Variants in LRRTM4 observed in about 807,000 individuals in gnomAD.
LRRTM4 encodes leucine-rich repeat transmembrane neuronal protein 4.
LRRTM4 carries 25 observed loss-of-function variants against 47.6 expected under a neutral mutation model. The observed-to-expected ratio is 0.53, with a 90% confidence interval of 0.38 to 0.73. The LOEUF (loss-of-function observed/expected upper bound fraction) is 0.73. Ranked by LOEUF, LRRTM4 falls within the 30% of genes least tolerant of loss-of-function variation. The probability of loss-of-function intolerance (pLI) is 0.00; values close to 1 mark genes in which losing one functional copy is unlikely to be tolerated. For synonymous variants in LRRTM4, 311 were observed against 269.5 expected, an observed-to-expected ratio of 1.15 and a Z score of -1.51; for missense variants, 638 against 713.4, an observed-to-expected ratio of 0.89 and a Z score of 1.20.
At chr2:77,011,440 G>A (rs1677869556) in intron 3 of LRRTM4, among the ~76,000 whole-genome samples, 1 of 152,040 alleles carries the variant, frequency 6.6e-6, no homozygotes, top group South Asian at 2.1e-4. Context: ...GGAACTGGTA[G>A]AGAAAACCAT....
At chr2:77,505,011 T>C (rs1213189185) in intron 3 of LRRTM4, among the ~76,000 whole-genome samples, 1 of 151,380 alleles carries the variant, frequency 6.6e-6, no homozygotes, top group African/African-American at 2.4e-5. Context: ...ATTATTTTAA[T>C]GATTTTAGAG....
chr2:77,315,898 C>A (rs1677604701), intron 3 of LRRTM4, among the ~76,000 whole-genome samples: 1 of 152,190 alleles, frequency 6.6e-6, no homozygotes, highest in Admixed American at 6.5e-5. Flanking sequence ...CAAACTACCT[C>A]CTGCCATGAA....
chr2:77,070,852 A>G (rs1281706726), intron 3 of LRRTM4, among the ~76,000 whole-genome samples: 1 of 152,172 alleles, frequency 6.6e-6, no homozygotes, highest in East Asian at 1.9e-4. Context: ...GCTGGTCTCG[A>G]ACTCCTGACC....
At chr2:76,916,101 T>A (rs1418183622) in intron 3 of LRRTM4, among the ~76,000 whole-genome samples, 2 of 151,556 alleles carry the variant, frequency 1.3e-5, no homozygotes, top group African/African-American at 4.8e-5. Context: ...ACAGAACAGA[T>A]GCAGGAGATA....
chr2:76,854,089 T>C (rs1465368037), intron 3 of LRRTM4, among the ~76,000 whole-genome samples: 1 of 152,170 alleles, frequency 6.6e-6, no homozygotes, highest in Admixed American at 6.6e-5. Context: ...TATAATCCCC[T>C]TCTTTCCTGG....
At chr2:77,060,328 T>C (rs1298204126) in intron 3 of LRRTM4, among the ~76,000 whole-genome samples, 1 of 152,176 alleles carries the variant, frequency 6.6e-6, no homozygotes, top group Non-Finnish European at 1.5e-5. Flanking sequence ...AAACATGCAA[T>C]TATTTTGTAA....
intron 3 of LRRTM4, among the ~76,000 whole-genome samples, chr2:77,074,225 T>A (rs1482366176): frequency 6.6e-6 from 1 of 152,226 alleles, no homozygotes; most frequent in Non-Finnish European, 1.5e-5. Context: ...TGTTATAACA[T>A]AGATGGTCTA....
At chr2:77,123,566 A>G (rs1671574613) in intron 3 of LRRTM4, among the ~76,000 whole-genome samples, 1 of 152,112 alleles carries the variant, frequency 6.6e-6, no homozygotes, top group African/African-American at 2.4e-5. Flanking sequence ...CTTGGCCTTA[A>G]CTATCATTTT....
intron 3 of LRRTM4, among the ~76,000 whole-genome samples, chr2:76,807,413 T>TATATATACACAC (rs1670528074): frequency 5.3e-5 from 5 of 95,012 alleles, no homozygotes; most frequent in East Asian, 3.5e-4. Flanking sequence ...TATACGTATA[T>TATATATACACAC]ATATATATAT....
At chr2:77,338,287 C>T (rs1292358159) in intron 3 of LRRTM4, among the ~76,000 whole-genome samples, 2 of 151,966 alleles carry the variant, frequency 1.3e-5, no homozygotes, top group African/African-American at 2.4e-5. Flanking sequence ...ACAAAACTGT[C>T]AACAGAGTAA....
chr2:77,066,876 T>A (rs1679973435), intron 3 of LRRTM4, among the ~76,000 whole-genome samples: 1 of 152,246 alleles, frequency 6.6e-6, no homozygotes, highest in African/African-American at 2.4e-5. Context: ...TGTGCATGTA[T>A]GTCCAGTACC....
chr2:77,160,806 C>A (rs1672705651), intron 3 of LRRTM4, among the ~76,000 whole-genome samples: 1 of 152,254 alleles, frequency 6.6e-6, no homozygotes, highest in Middle Eastern at 3.4e-3. Context: ...CACACGATTA[C>A]AATTATGTTA....
chr2:77,201,720 T>A (rs1184911037), intron 3 of LRRTM4, among the ~76,000 whole-genome samples: 1 of 152,102 alleles, frequency 6.6e-6, no homozygotes, highest in Admixed American at 6.6e-5. Flanking sequence ...TCCATAGCAT[T>A]TCTGATATCT....
At chr2:77,044,241 G>A (rs948666245) in intron 3 of LRRTM4, among the ~76,000 whole-genome samples, 2 of 151,480 alleles carry the variant, frequency 1.3e-5, no homozygotes, top group African/African-American at 4.8e-5. Flanking sequence ...AGAATATAAA[G>A]TATATACAAT....
At chr2:77,127,481 G>C (rs755206683) in intron 3 of LRRTM4, among the ~76,000 whole-genome samples, 3 of 152,050 alleles carry the variant, frequency 2.0e-5, no homozygotes, top group Non-Finnish European at 4.4e-5. Flanking sequence ...CTATCTGTAG[G>C]TTCCTTCCAC....
chr2:76,888,735 G>A (rs1673157540), intron 3 of LRRTM4, among the ~76,000 whole-genome samples: 1 of 151,430 alleles, frequency 6.6e-6, no homozygotes, highest in African/African-American at 2.4e-5. Flanking sequence ...TTAGTACTAT[G>A]TATTTTGTTC....
chr2:77,426,831 G>GCA (rs70956630), intron 3 of LRRTM4, among the ~76,000 whole-genome samples: 268 of 147,382 alleles, frequency 1.8e-3, no homozygotes, highest in African/African-American at 4.4e-3. Flanking sequence ...ACACACACAT[G>GCA]CACACACACA....
chr2:76,986,529 A>G (rs1194360621), intron 3 of LRRTM4, among the ~76,000 whole-genome samples: 2 of 151,948 alleles, frequency 1.3e-5, no homozygotes, highest in Non-Finnish European at 1.5e-5. Flanking sequence ...TACAGAAGAC[A>G]TGTAACTAAT....
chr2:77,005,458 T>C (rs1391961634), intron 3 of LRRTM4, among the ~76,000 whole-genome samples: 1 of 152,104 alleles, frequency 6.6e-6, no homozygotes, highest in Non-Finnish European at 1.5e-5. Context: ...TGTTTTAATA[T>C]GTGAGGACAT....
Sources: allele counts gnomAD v4.1 joint callset (sites outside exome capture counted in the v4.1 genomes callset), GRCh38; gene constraint gnomAD v4.1.1; transcripts MANE v1.5; gene names NCBI Gene and HGNC (gene_info 2026-07-23, HGNC 2026-07-21).